Variants in ADAMTS16 observed in about 807,000 individuals in gnomAD.
ADAMTS16 encodes the protein ADAM metallopeptidase with thrombospondin type 1 motif 16, also known as A disintegrin and metalloproteinase with thrombospondin motifs 16.
In ADAMTS16, 94 loss-of-function variants were observed where a neutral mutation model predicts 145.8. That is an observed-to-expected ratio of 0.64 (90% confidence interval 0.55 to 0.77). The LOEUF (loss-of-function observed/expected upper bound fraction) is 0.77, where lower values mean the gene tolerates loss of function less well. Among genes scored for constraint, ADAMTS16 ranks in the 30% least tolerant of loss-of-function variants. ADAMTS16 has a pLI of 0.00. For missense variants in ADAMTS16, 1,585 were observed against 1,591.5 expected, an observed-to-expected ratio of 1.00 and a Z score of 0.07; for synonymous variants, 659 against 604.3, an observed-to-expected ratio of 1.09 and a Z score of -1.33.
At chr5:5,178,295 C>A (rs1277752790) in intron 3 of ADAMTS16, among the ~76,000 whole-genome samples, 1 of 152,186 alleles carries the variant, frequency 6.6e-6, no homozygotes, top group Non-Finnish European at 1.5e-5. Flanking sequence ...CTGTCCTTTG[C>A]AAAGCCTGAA....
intron 18 of ADAMTS16, among the ~76,000 whole-genome samples, chr5:5,276,004 A>G (rs537479634): frequency 1.3e-5 from 2 of 152,020 alleles, no homozygotes; most frequent in African/African-American, 4.8e-5. Flanking sequence ...GATTACAGGC[A>G]TGCACCATCA....
intron 18 of ADAMTS16, among the ~76,000 whole-genome samples, chr5:5,279,789 T>C (rs756631761): frequency 3.3e-5 from 5 of 152,026 alleles, no homozygotes; most frequent in Admixed American, 6.5e-5. Flanking sequence ...TCATTTTATT[T>C]TTTGGTCTTT....
At chr5:5,265,521 C>G (rs1738207248) in intron 18 of ADAMTS16, among the ~76,000 whole-genome samples, 1 of 152,308 alleles carries the variant, frequency 6.6e-6, no homozygotes, top group South Asian at 2.1e-4. Flanking sequence ...CCAGAACAAA[C>G]AGGAAATTCT....
At chr5:5,172,643 C>CT (rs1167157428) in intron 3 of ADAMTS16, among the ~76,000 whole-genome samples, 1 of 151,988 alleles carries the variant, frequency 6.6e-6, no homozygotes, top group Non-Finnish European at 1.5e-5. Context: ...TTTTTTAAGA[C>CT]TTTTTTGTGG....
Position 5,167,894 on chromosome 5 carries a change from G to GT in ADAMTS16, c.502-14149dup, listed in dbSNP as rs1463352992. On this transcript the variant is annotated intron_variant, in intron 3 of 22. Coordinates refer to ENST00000274181, the MANE Select transcript of ADAMTS16 (RefSeq NM_139056.4). ...TTTAAACTTAAATTTGAATACCCATGTGGGGCTGTTCAGTAACTGGAGAAG... is the reference window on the plus strand; with the variant it reads ...TTTAAACTTAAATTTGAATACCCATGTTGGGGCTGTTCAGTAACTGGAGAAG... Among the ~76,000 whole-genome samples, 4 of 152,212 alleles carry GT rather than the reference G, an allele frequency of 2.6e-5. No individual in the cohort carries two copies. The East Asian group carries it at 7.7e-4, about 29-fold the overall frequency.
intron 17 of ADAMTS16, among the ~76,000 whole-genome samples, chr5:5,243,920 T>A (rs1329925725): frequency 1.3e-5 from 2 of 152,222 alleles, no homozygotes; most frequent in African/African-American, 2.4e-5. Flanking sequence ...ATTGAGAGTT[T>A]CTGGGGGAAA....
At chr5:5,152,157 T>C (rs1734485991) in intron 3 of ADAMTS16, among the ~76,000 whole-genome samples, 1 of 152,244 alleles carries the variant, frequency 6.6e-6, no homozygotes, top group African/African-American at 2.4e-5. Flanking sequence ...CTCCAAATAA[T>C]TTCAGGCCCT....
At chr5:5,249,116 C>T (rs1737542843) in intron 17 of ADAMTS16, among the ~76,000 whole-genome samples, 1 of 152,124 alleles carries the variant, frequency 6.6e-6, no homozygotes, top group African/African-American at 2.4e-5. Flanking sequence ...GCCTGAAGGC[C>T]TAGGACCAGG....
intron 3 of ADAMTS16, among the ~76,000 whole-genome samples, chr5:5,161,734 T>C (rs1471410901): frequency 1.3e-5 from 2 of 152,202 alleles, no homozygotes; most frequent in African/African-American, 2.4e-5. Flanking sequence ...AGCCCTTACC[T>C]AGAAGAGTAG....
intron 3 of ADAMTS16, among the ~76,000 whole-genome samples, chr5:5,149,096 A>C (rs1286189116): frequency 6.6e-6 from 1 of 152,210 alleles, no homozygotes; most frequent in East Asian, 1.9e-4. Context: ...TATAAATGTT[A>C]AGAGCTTAAC....
At chr5:5,232,582 T>C in intron 12 of ADAMTS16, 66 bp downstream of exon 12, 1 of 1,497,188 alleles carries the variant, frequency 6.7e-7, no homozygotes, top group Non-Finnish European at 9.0e-7. Flanking sequence ...CTCCAAGCAG[T>C]ATGCCTGTGT....
At chr5:5,173,156 A>G (rs936113185) in intron 3 of ADAMTS16, among the ~76,000 whole-genome samples, 3 of 145,370 alleles carry the variant, frequency 2.1e-5, no homozygotes, top group African/African-American at 8.0e-5. Flanking sequence ...AATTACTTGT[A>G]GGCAACAGAT....
At chr5:5,212,968 C>A (rs1381682018) in intron 10 of ADAMTS16, among the ~76,000 whole-genome samples, 1 of 152,102 alleles carries the variant, frequency 6.6e-6, no homozygotes. Context: ...ATAGTGGTTG[C>A]TTTAGAGATT....
intron 9 of ADAMTS16, among the ~76,000 whole-genome samples, chr5:5,203,853 C>T (rs576493792): frequency 7.9e-5 from 12 of 152,284 alleles, no homozygotes; most frequent in East Asian, 7.7e-4. Context: ...TGACCATCAT[C>T]GCAGGGAACT....
intron 18 of ADAMTS16, among the ~76,000 whole-genome samples, chr5:5,278,868 C>T (rs1369690808): frequency 6.6e-6 from 1 of 151,092 alleles, no homozygotes; most frequent in Non-Finnish European, 1.5e-5. Context: ...TGATAAGTGT[C>T]ATGGATAAAA....
chr5:5,251,497 G>A (rs1301443667), intron 17 of ADAMTS16, among the ~76,000 whole-genome samples: 2 of 152,192 alleles, frequency 1.3e-5, no homozygotes, highest in Non-Finnish European at 2.9e-5. Context: ...TATGGAGAGT[G>A]TTTCAAATGG....
intron 18 of ADAMTS16, among the ~76,000 whole-genome samples, chr5:5,270,905 C>A (rs767551578): frequency 6.6e-6 from 1 of 152,160 alleles, no homozygotes; most frequent in Non-Finnish European, 1.5e-5. Flanking sequence ...CCTCAGCAGC[C>A]TGGCAAAGCT....
chr5:5,290,033 C>T (rs1261216711), intron 18 of ADAMTS16, among the ~76,000 whole-genome samples: 2 of 152,222 alleles, frequency 1.3e-5, no homozygotes, highest in African/African-American at 2.4e-5. Flanking sequence ...TCATTATTAG[C>T]ATGCAAGTAT....
chr5:5,227,165 G>A (rs919980667), intron 11 of ADAMTS16, among the ~76,000 whole-genome samples: 7 of 152,250 alleles, frequency 4.6e-5, no homozygotes, highest in African/African-American at 7.2e-5. Flanking sequence ...CACGCAGCTC[G>A]CAGAGCAGAT....
Sources: gnomAD v4.1 joint callset for allele counts (sites outside exome capture counted in the v4.1 genomes callset) on GRCh38, gnomAD v4.1.1 for gene constraint, MANE v1.5 for transcripts, NCBI Gene and HGNC (gene_info 2026-07-23, HGNC 2026-07-21) for gene names.